The following REEP3 variants were observed in gnomAD, a reference collection of about 807,000 sequenced individuals.
REEP3 encodes receptor accessory protein 3.
REEP3 carries 20 observed loss-of-function variants against 41.3 expected under a neutral mutation model. The ratio of observed to expected loss-of-function variants is 0.48; its 90% CI spans 0.34 to 0.70. REEP3 has a LOEUF of 0.70. REEP3 is among the 30% of genes least tolerant of loss of function. The probability of loss-of-function intolerance (pLI) is 0.01; values close to 1 mark genes in which losing one functional copy is unlikely to be tolerated. For missense variants in REEP3, 271 were observed against 308.8 expected (o/e 0.88, Z 0.92); for synonymous variants, 104 against 101.8 (o/e 1.02, Z -0.13).
chr10:63,544,830 A>C (rs910500936), intron 1 of REEP3, among the ~76,000 whole-genome samples: 2 of 152,194 alleles, frequency 1.3e-5, no homozygotes, highest in African/African-American at 4.8e-5. Flanking sequence ...TATTGGAAAA[A>C]AATACCCTAT....
intron 1 of REEP3, among the ~76,000 whole-genome samples, chr10:63,539,984 T>C (rs1479449170): frequency 1.3e-5 from 2 of 152,200 alleles, no homozygotes; most frequent in African/African-American, 2.4e-5. Context: ...TGTTACCATT[T>C]TAAAACGCAA....
chr10:63,521,615 GC>G, intron 1 of REEP3, 38 bp downstream of exon 1: 1 of 1,370,846 alleles, frequency 7.3e-7, no homozygotes, highest in Non-Finnish European at 9.6e-7. Flanking sequence ...CCGGCGCGAG[GC>G]CCAGGGGAGC....
chr10:63,622,542 A>G lies in REEP3; in HGVS notation c.*1673A>G, dbSNP rs1956361695. 1 of 152,108 alleles carries G rather than the reference A, an allele frequency of 6.6e-6. No homozygotes were observed. Among genetic ancestry groups the G allele is most frequent in the South Asian group, 2.1e-4 (1 of 4,826 alleles). 9.4% of individuals were successfully genotyped at this position (152,108 alleles called of 1,614,324 possible). ...TTTCTATGAATTCTAATTGTAAATTATCGGAACAGAGTTTTATTTATATGA... is the reference window on the plus strand; with the variant it reads ...TTTCTATGAATTCTAATTGTAAATTGTCGGAACAGAGTTTTATTTATATGA... On this transcript the variant is annotated 3_prime_UTR_variant, in exon 8 of 8. Transcript: ENST00000373758.
chr10:63,531,527 CTG>C (rs1296597271), intron 1 of REEP3, among the ~76,000 whole-genome samples: 2 of 152,182 alleles, frequency 1.3e-5, no homozygotes, highest in Non-Finnish European at 2.9e-5. Context: ...AGGCTAAAAA[CTG>C]TGCTATCTCA....
intron 2 of REEP3, 133 bp from the exon 3 acceptor site, chr10:63,594,645 A>G (rs1026681583): frequency 3.1e-6 from 2 of 645,098 alleles, no homozygotes; most frequent in African/African-American, 3.7e-5. Context: ...TTGACCCAAC[A>G]TACTATGTAT....
intron 1 of REEP3, among the ~76,000 whole-genome samples, chr10:63,546,261 G>A (rs545109781): frequency 2.2e-4 from 34 of 152,298 alleles, no homozygotes; most frequent in African/African-American, 7.9e-4. Context: ...GCTTGGAAAC[G>A]AGTTAAGAGG....
intron 2 of REEP3, among the ~76,000 whole-genome samples, chr10:63,589,519 C>T (rs1191790529): frequency 1.3e-5 from 2 of 152,136 alleles, no homozygotes; most frequent in East Asian, 3.9e-4. Flanking sequence ...TCACTGCCAC[C>T]ACCAGTTAGC....
intron 2 of REEP3, among the ~76,000 whole-genome samples, chr10:63,572,007 A>T (rs538281781): frequency 9.8e-5 from 15 of 152,318 alleles, no homozygotes; most frequent in African/African-American, 3.4e-4. Context: ...ATTAATTCAA[A>T]GCTGGACGTT....
chr10:63,610,240 A>C lies in REEP3; in HGVS notation c.471A>C (p.Thr157=), dbSNP rs530091848. Residue 157 remains threonine, a synonymous_variant, in exon 6 of 8, where the codon ACA becomes ACC. Transcript: ENST00000373758. The part of the protein sequence containing the change: ...RLRSFSMHDL[T]TIQGDEPVGQ... The stretch of plus-strand genomic sequence containing the variant: ...GAAGCTTCAGTATGCATGATTTAAC[A>C]ACTATCCAAGGTGATGAGCCTGTGG... 1 of 1,605,304 alleles carries C rather than the reference A, an allele frequency of 6.2e-7. No homozygotes were observed.
chr10:63,624,796 A>C lies in REEP3; in HGVS notation c.*3927A>C, dbSNP rs1204093641. ...ATGTTAGAAAGGAAAGATAGGAAAA[A>C]CAATGAGTACAGAAATCCTCACCAT... On this transcript the variant is annotated 3_prime_UTR_variant, in exon 8 of 8. Coordinates refer to ENST00000373758, the MANE Select transcript of REEP3 (RefSeq NM_001001330.3). 1.3e-5 allele frequency: 2 copies of C among 152,166 alleles called. No individual in the cohort carries two copies. Among genetic ancestry groups the C allele is most frequent in the Non-Finnish European group, 2.9e-5 (2 of 67,984 alleles). The allele number at this position is 152,166 out of a possible 1,614,324, so 9.4% of individuals were successfully genotyped here.
At chr10:63,610,977 CAGG>C (rs1184688197) in intron 6 of REEP3, among the ~76,000 whole-genome samples, 1 of 152,146 alleles carries the variant, frequency 6.6e-6, no homozygotes, top group East Asian at 1.9e-4. Flanking sequence ...GAGGCTGAGG[CAGG>C]AGAATTGCTT....
Position 63,621,024 on chromosome 10 carries a change from G to C in REEP3, c.*155G>C. 1 of 496,194 alleles carries C rather than the reference G, an allele frequency of 2.0e-6. No individual in the cohort carries two copies. The highest frequency in any genetic ancestry group is 3.5e-6 in the Non-Finnish European group (1 of 282,394). 30.7% of individuals were successfully genotyped at this position (496,194 alleles called of 1,614,324 possible). A position where few individuals can be genotyped will look rare whatever the true frequency, so the allele number is the denominator to read the frequency against. ...ATGAATTTAAATTGTTTTTATTTCT[G>C]TAACAATTGCTTCCAAATATTGACT... On this transcript the variant is annotated 3_prime_UTR_variant, in exon 8 of 8. Transcript: ENST00000373758.
At chr10:63,570,271 A>G in intron 2 of REEP3, among the ~76,000 whole-genome samples, 1 of 152,234 alleles carries the variant, frequency 6.6e-6, no homozygotes, top group East Asian at 1.9e-4. Flanking sequence ...CAGCATTCAA[A>G]CTGATGAGAA....
chr10:63,617,431 AT>A (rs1267414162), intron 6 of REEP3, among the ~76,000 whole-genome samples: 1 of 152,096 alleles, frequency 6.6e-6, no homozygotes, highest in Non-Finnish European at 1.5e-5. Flanking sequence ...TAATATGTAT[AT>A]TTTTTGAAAC....
At chr10:63,596,119 A>T (rs1294686826) in intron 3 of REEP3, among the ~76,000 whole-genome samples, 1 of 152,234 alleles carries the variant, frequency 6.6e-6, no homozygotes, top group African/African-American at 2.4e-5. Flanking sequence ...CAAGAAAAAA[A>T]ATAGAAGTCT....
intron 1 of REEP3, among the ~76,000 whole-genome samples, chr10:63,531,742 C>T (rs1955422738): frequency 6.6e-6 from 1 of 152,164 alleles, no homozygotes; most frequent in Admixed American, 6.5e-5. Context: ...CGCTCAGCAT[C>T]TCCACCTGAA....
At chr10:63,529,764 GCCATGAATGTGATT>G (rs1280924191) in intron 1 of REEP3, among the ~76,000 whole-genome samples, 5 of 145,448 alleles carry the variant, frequency 3.4e-5, no homozygotes, top group African/African-American at 1.3e-4. Flanking sequence ...CACTGCCCCG[GCCATGAATGTGATT>G]CTTTTTTTTT....
intron 1 of REEP3, among the ~76,000 whole-genome samples, chr10:63,547,993 C>T (rs532889047): frequency 6.4e-4 from 98 of 152,270 alleles, no homozygotes; most frequent in African/African-American, 2.2e-3. Context: ...TCTATTTTGA[C>T]GTTTTTCCCA....
chr10:63,592,762 G>A (rs1037007496), intron 2 of REEP3, among the ~76,000 whole-genome samples: 2 of 151,946 alleles, frequency 1.3e-5, no homozygotes, highest in African/African-American at 4.8e-5. Flanking sequence ...GCATGGTGGC[G>A]TGCGCCTGTA....
Sources: gnomAD v4.1 joint callset for allele counts (sites outside exome capture counted in the v4.1 genomes callset) on GRCh38, gnomAD v4.1.1 for gene constraint, MANE v1.5 for transcripts, NCBI Gene and HGNC (gene_info 2026-07-23, HGNC 2026-07-21) for gene names.